The following FIBP variants were observed in gnomAD, a reference collection of about 807,000 sequenced individuals.
FIBP encodes FGF1 intracellular binding protein.
In FIBP, 29 loss-of-function variants were observed where a neutral mutation model predicts 40.5. The ratio of observed to expected loss-of-function variants is 0.72; its 90% CI spans 0.53 to 0.98. The LOEUF (loss-of-function observed/expected upper bound fraction) is 0.98. Ranked by LOEUF, FIBP falls within the 50% of genes least tolerant of loss-of-function variation. FIBP has a pLI of 0.00. For synonymous variants in FIBP, 215 were observed against 191.1 expected, an observed-to-expected ratio of 1.13 and a Z score of -1.03; for missense variants, 411 against 470.2, an observed-to-expected ratio of 0.87 and a Z score of 1.16.
chr11:65,884,004 G>T lies in FIBP; in HGVS notation c.1044C>A (p.Arg348=), dbSNP rs200017030. 2.8e-5 allele frequency: 45 copies of T among 1,613,834 alleles called. No homozygotes were observed. Among genetic ancestry groups the T allele is most frequent in the Non-Finnish European group, 3.7e-5 (44 of 1,179,966 alleles). Residue 348 remains arginine, a synonymous_variant, in exon 10 of 10, where the codon CGC becomes CGA. Coordinates refer to ENST00000357519, the MANE Select transcript of FIBP (RefSeq NM_004214.5). The part of the protein sequence containing the change: ...ALWDRYMGTL[R]GCLLRLYHD ...CATGATACAGGCGCAGGAGGCAGCC[G>T]CGGAGGGTGCCCATGTAGCGGTCCC...
At position 65,887,615 on chromosome 11, in the gene FIBP, CT is replaced by C; in HGVS notation, c.395del (p.Lys132ArgfsTer17). On this transcript the variant is annotated frameshift_variant, in exon 3 of 10. Coordinates refer to ENST00000357519, the MANE Select transcript of FIBP (RefSeq NM_004214.5). LOFTEE classifies it high-confidence loss of function. ...DISTKTGITL[K>X]SCRRQFDNFK... ...CAGTGCATACCTGTCTCCGGCAGCTCTTGAGGGTGATGCCTGTTTTGGTGCT... is the reference window on the plus strand; with the variant it reads ...CAGTGCATACCTGTCTCCGGCAGCTCTGAGGGTGATGCCTGTTTTGGTGCT... The C allele has an allele frequency of 6.2e-7, 1 of 1,614,108 alleles. No individual in the cohort carries two copies. The highest frequency in any genetic ancestry group is 8.5e-7 in the Non-Finnish European group (1 of 1,180,012).
rs566858037 is a variant in FIBP, at chr11:65,887,179, G to A, written c.411+421C>T. 7.9e-5 allele frequency: 27 copies of A among 341,018 alleles called. No individual in the cohort carries two copies. The East Asian group carries it at 2.1e-3, about 26-fold the overall frequency. 21.1% of individuals were successfully genotyped at this position (341,018 alleles called of 1,614,324 possible). ...GCACAACAGGGAGCCAGGCACGGTGGCTCACGCCTGTAATGTCAGCACTTT... is the reference window on the plus strand; with the variant it reads ...GCACAACAGGGAGCCAGGCACGGTGACTCACGCCTGTAATGTCAGCACTTT... On this transcript the variant is annotated intron_variant, in intron 3 of 9. Coordinates refer to ENST00000357519, the MANE Select transcript of FIBP (RefSeq NM_004214.5).
In FIBP at chr11:65,885,207, T is replaced by TG. The variant is rs766752054; in HGVS notation, c.647-22dup. 26 of 292,460 alleles carry TG rather than the reference T, an allele frequency of 8.9e-5. No homozygotes were observed. The Middle Eastern group carries it at 1.6e-3, about 18-fold the overall frequency. 18.1% of individuals were successfully genotyped at this position (292,460 alleles called of 1,614,324 possible). A position where few individuals can be genotyped will look rare whatever the true frequency, so the allele number is the denominator to read the frequency against. ...TGAGTCTGTGAGGCCATGAAGGGGG[T>TG]GGGGGTGGGTGATAAAAACCCCTCC... On this transcript the variant is annotated intron_variant, in intron 5 of 9. Transcript: ENST00000357519.
Position 65,885,082 on chromosome 11 carries a change from T to C in FIBP, c.751A>G (p.Lys251Glu). 6.2e-7 allele frequency: 1 copy of C among 1,613,906 alleles called. No homozygotes were observed. Among genetic ancestry groups the C allele is most frequent in the Non-Finnish European group, 8.5e-7 (1 of 1,179,840 alleles). Reference sequence around the variant, plus strand: ...CATGGGCCCCTACAAGGTCACCTCTTGTGCAGGTCCAGAAGGTCCTTGTCA... The same window carrying C: ...CATGGGCCCCTACAAGGTCACCTCTCGTGCAGGTCCAGAAGGTCCTTGTCA... The part of the protein sequence containing the change: ...VADKDLLDLH[K>E]SLVCTALRGK... The change falls in exon 6 of 10, where the codon AAG (lysine) becomes GAG (glutamate). Residue 251 changes from lysine to glutamate, a missense_variant. Transcript: ENST00000357519.
intron 1 of FIBP, 95 bp from the exon 2 acceptor site, chr11:65,888,227 A>G (rs1860296388): frequency 1.4e-6 from 2 of 1,469,332 alleles, no homozygotes; most frequent in East Asian, 2.5e-5. Context: ...TCTTATTCCC[A>G]GGCGCTCGCC....
intron 7 of FIBP, 77 bp downstream of exon 7, chr11:65,884,858 G>C: frequency 6.4e-7 from 1 of 1,555,722 alleles, no homozygotes; most frequent in Non-Finnish European, 8.9e-7. Context: ...TCCCTGGCAG[G>C]GGCAGAGCTG....
chr11:65,884,701 T>C, intron 7 of FIBP, 45 bp from the exon 8 acceptor site: 1 of 1,600,976 alleles, frequency 6.2e-7, no homozygotes, highest in African/African-American at 1.3e-5. Flanking sequence ...GCCCCAGAAG[T>C]TGGCAGCTGA....
chr11:65,886,828 G>A (rs1860249451), intron 3 of FIBP: 1 of 165,886 alleles, frequency 6.0e-6, no homozygotes, highest in South Asian at 1.5e-4. Flanking sequence ...GACCCAGAAG[G>A]GTTACTTCTT....
Position 65,885,531 on chromosome 11 carries a change from G to T in FIBP, c.645C>A (p.Val215=). 1 of 1,613,316 alleles carries T rather than the reference G, an allele frequency of 6.2e-7. No homozygotes were observed. Among genetic ancestry groups the T allele is most frequent in the Non-Finnish European group, 8.5e-7 (1 of 1,179,488 alleles). Residue 215 remains valine (V), a splice_region_variant and synonymous_variant, in exon 5 of 10, where the codon GTC becomes GTA. Coordinates refer to ENST00000357519, the MANE Select transcript of FIBP (RefSeq NM_004214.5). ...CACCTGGGTCAGTGGGGGCCTCACC[G>T]ACGGCTCCAAGGGTCCAGTTTTGGA... ...LMIQNWTLGA[V]DSQMDDMDMD...
intron 3 of FIBP, 171 bp from the exon 4 acceptor site, chr11:65,886,593 T>C (rs1260967104): frequency 1.8e-6 from 1 of 571,408 alleles, no homozygotes; most frequent in African/African-American, 1.9e-5. Flanking sequence ...TAGTACTTGT[T>C]ATCAAATCAA....
At chr11:65,886,253 T>C (rs1300449490) in intron 4 of FIBP, 69 bp downstream of exon 4, 1 of 968,586 alleles carries the variant, frequency 1.0e-6, no homozygotes, top group African/African-American at 1.7e-5. Flanking sequence ...AGGTTTGGGG[T>C]AGGGAAGGTG....
chr11:65,885,776 C>T (rs1860220027), intron 4 of FIBP, 113 bp from the exon 5 acceptor site: 1 of 1,037,506 alleles, frequency 9.6e-7, no homozygotes, highest in Admixed American at 2.2e-5. Context: ...TGCCTCAAGT[C>T]ACTGTGTGAC....
Position 65,883,994 on chromosome 11 carries a change from G to A in FIBP, c.1054C>T (p.Leu352=), listed in dbSNP as rs899180126. 1.1e-5 allele frequency: 18 copies of A among 1,613,992 alleles called. No individual in the cohort carries two copies. Among genetic ancestry groups the A allele is most frequent in the Non-Finnish European group, 1.4e-5 (17 of 1,179,952 alleles). The change falls in exon 10 of 10, where the codon CTG becomes TTG. Residue 352 remains leucine (L), a synonymous_variant. Transcript: ENST00000357519. The part of the protein sequence containing the change: ...RYMGTLRGCL[L]RLYHD ...GCACCTCAGTCATGATACAGGCGCA[G>A]GAGGCAGCCGCGGAGGGTGCCCATG...
chr11:65,885,693 G>A, intron 4 of FIBP, 30 bp from the exon 5 acceptor site: 1 of 1,570,640 alleles, frequency 6.4e-7, no homozygotes, highest in South Asian at 1.1e-5. Flanking sequence ...GTCCTCTTAG[G>A]GCTTGAAATT....
At chr11:65,886,170 A>T (rs75561682) in intron 4 of FIBP, 152 bp downstream of exon 4, 10 of 76,116 alleles carry the variant, frequency 1.3e-4, no homozygotes, top group South Asian at 5.6e-4. Context: ...CCGTCTCATT[A>T]AAAAAAAAAA....
chr11:65,887,469 G>T, intron 3 of FIBP, 131 bp downstream of exon 3: 2 of 1,045,482 alleles, frequency 1.9e-6, no homozygotes, highest in Non-Finnish European at 2.9e-6. Flanking sequence ...AAAAAGGAGG[G>T]GAAAGGGGAA....
chr11:65,886,768 C>T (rs529025587), intron 3 of FIBP: 1 of 205,338 alleles, frequency 4.9e-6, no homozygotes, highest in East Asian at 1.2e-4. Context: ...AAAACAAATG[C>T]TAAGCTATAA....
At chr11:65,888,241 TTCCCTAA>T in intron 1 of FIBP, 86 bp downstream of exon 1, 1 of 1,474,926 alleles carries the variant, frequency 6.8e-7, no homozygotes, top group Non-Finnish European at 9.2e-7. Flanking sequence ...GCTCGCCCAC[TTCCCTAA>T]AGGATGCCCA....
chr11:65,885,787 G>T, intron 4 of FIBP, 124 bp from the exon 5 acceptor site: 1 of 952,260 alleles, frequency 1.1e-6, no homozygotes, highest in Non-Finnish European at 1.6e-6. Context: ...ACTGTGTGAC[G>T]TGTCTCAAGT....
Sources: gnomAD v4.1 joint callset for allele counts on GRCh38, gnomAD v4.1.1 for gene constraint, MANE v1.5 for transcripts, NCBI Gene and HGNC (gene_info 2026-07-23, HGNC 2026-07-21) for gene names.